ANO3: variants seen among roughly 807,000 people sequenced by gnomAD.
ANO3 encodes the protein anoctamin-3.
A neutral mutation model predicts 144.8 loss-of-function variants in ANO3; 99 were observed. The ratio of observed to expected loss-of-function variants is 0.68; its 90% confidence interval spans 0.58 to 0.81. The LOEUF is 0.81. Ranked by LOEUF, ANO3 falls within the 30% of genes least tolerant of loss-of-function variation. The pLI is 0.00. For synonymous variants in ANO3, 414 were observed against 392.6 expected (o/e 1.05, Z -0.64); for missense variants, 905 against 1,202.2 (o/e 0.75, Z 3.66).
chr11:26,379,797 A>G (rs1210664551), intron 1 of ANO3, among the ~76,000 whole-genome samples: 1 of 152,088 alleles, frequency 6.6e-6, no homozygotes, highest in Admixed American at 6.6e-5. Context: ...TTTCAAAAAA[A>G]GAATGGTGAA....
At chr11:26,361,836 G>A (rs551864282) in intron 1 of ANO3, among the ~76,000 whole-genome samples, 1 of 152,078 alleles carries the variant, frequency 6.6e-6, no homozygotes, top group Admixed American at 6.5e-5. Flanking sequence ...TTCTGCCTCT[G>A]CCTGTGGGTG....
intron 23 of ANO3, among the ~76,000 whole-genome samples, chr11:26,644,362 C>A (rs7936525): frequency 0.6 from 90,588 of 151,988 alleles, 27,725 homozygotes; most frequent in East Asian, 0.69. Flanking sequence ...TTTAAAAATA[C>A]TACTTTAGCC....
intron 1 of ANO3, among the ~76,000 whole-genome samples, chr11:26,213,678 A>G (rs12791764): frequency 0.3 from 45,932 of 152,008 alleles, 7,682 homozygotes; most frequent in Non-Finnish European, 0.37. Flanking sequence ...GGAAGAACCA[A>G]TATCATGAAA....
chr11:26,307,000 CT>C (rs375847832), upstream of ANO3, among the ~76,000 whole-genome samples: 51 of 149,238 alleles, frequency 3.4e-4, 1 homozygote, highest in South Asian at 4.7e-3. Context: ...TAAACTATGA[CT>C]TTTTTTTTTA....
At chr11:26,230,299 C>A (rs1415256765) in intron 1 of ANO3, among the ~76,000 whole-genome samples, 2 of 152,044 alleles carry the variant, frequency 1.3e-5, no homozygotes, top group Admixed American at 6.6e-5. Flanking sequence ...GGTAAAGGAA[C>A]TTCAATGGAG....
chr11:26,213,966 G>T (rs897922086), intron 1 of ANO3, among the ~76,000 whole-genome samples: 3 of 151,906 alleles, frequency 2.0e-5, no homozygotes, highest in African/African-American at 7.2e-5. Context: ...AGTATTTATT[G>T]ATGTGATTTC....
At chr11:26,356,101 C>G (rs1855775756) in intron 1 of ANO3, among the ~76,000 whole-genome samples, 1 of 151,916 alleles carries the variant, frequency 6.6e-6, no homozygotes, top group South Asian at 2.1e-4. Flanking sequence ...ATGATATTCT[C>G]TCATTTTTCA....
chr11:26,564,716 CACACACACACACACACATATATAT>C (rs1565108578), intron 14 of ANO3, among the ~76,000 whole-genome samples: 8 of 74,338 alleles, frequency 1.1e-4, no homozygotes, highest in Non-Finnish European at 1.0e-4. Context: ...CACACACACA[CACACACACACACACACATATATAT>C]ATATATATAT....
intron 14 of ANO3, among the ~76,000 whole-genome samples, chr11:26,595,753 G>A (rs921651488): frequency 2.6e-5 from 4 of 152,104 alleles, no homozygotes; most frequent in Admixed American, 2.6e-4. Context: ...ATTTTCAGTG[G>A]TTAGTGTTAA....
intron 1 of ANO3, among the ~76,000 whole-genome samples, chr11:26,210,638 T>G (rs1046990165): frequency 6.6e-5 from 10 of 152,184 alleles, no homozygotes; most frequent in African/African-American, 2.4e-4. Flanking sequence ...TTGCATTTGT[T>G]TGTGTCCTCT....
At chr11:26,620,189 C>T (rs1852374852) in intron 17 of ANO3, among the ~76,000 whole-genome samples, 2 of 152,038 alleles carry the variant, frequency 1.3e-5, no homozygotes, top group South Asian at 2.1e-4. Flanking sequence ...GGAAATGTTC[C>T]TAAAAATATT....
chr11:26,561,200 T>C, intron 14 of ANO3: 1 of 1,611,136 alleles, frequency 6.2e-7, no homozygotes, highest in African/African-American at 1.3e-5. Context: ...CATCATAAGG[T>C]TCCGGTGCAT....
intron 13 of ANO3, among the ~76,000 whole-genome samples, chr11:26,556,556 T>C (rs924570590): frequency 1.3e-5 from 2 of 152,162 alleles, no homozygotes; most frequent in African/African-American, 4.8e-5. Context: ...TCCTGAAATT[T>C]AGAATCAATT....
At chr11:26,586,794 C>A (rs1429025945) in intron 14 of ANO3, among the ~76,000 whole-genome samples, 1 of 141,916 alleles carries the variant, frequency 7.0e-6, no homozygotes, top group African/African-American at 2.5e-5. Context: ...AGCCACCACG[C>A]CCGGCCTCTA....
intron 18 of ANO3, among the ~76,000 whole-genome samples, chr11:26,627,024 TG>T (rs1262816788): frequency 6.6e-6 from 1 of 152,162 alleles, no homozygotes; most frequent in African/African-American, 2.4e-5. Context: ...AGAGTGAGAA[TG>T]CCTGAGTTGA....
intron 4 of ANO3, among the ~76,000 whole-genome samples, chr11:26,484,701 A>C (rs1039503751): frequency 1.3e-5 from 2 of 152,180 alleles, no homozygotes; most frequent in African/African-American, 4.8e-5. Context: ...ATCCACTGAC[A>C]GCTTGCACCT....
intron 7 of ANO3, among the ~76,000 whole-genome samples, chr11:26,529,324 AGT>A (rs1284655368): frequency 0.091 from 4 of 44 alleles, 2 homozygotes; most frequent in African/African-American, 0.095. Flanking sequence ...AATATATAAT[AGT>A]ATATAATATA....
chr11:26,590,077 C>G (rs1224783801), intron 14 of ANO3, among the ~76,000 whole-genome samples: 1 of 152,168 alleles, frequency 6.6e-6, no homozygotes, highest in Non-Finnish European at 1.5e-5. Flanking sequence ...CCTTTACCCT[C>G]TAAGAGAATA....
chr11:26,378,361 CTATA>C (rs1463685222), intron 1 of ANO3, among the ~76,000 whole-genome samples: 11 of 146,870 alleles, frequency 7.5e-5, no homozygotes, highest in Admixed American at 1.4e-4. Context: ...CTATAAATAT[CTATA>C]TATTATCTAT....
Sources: gnomAD v4.1 joint callset for allele counts (sites outside exome capture counted in the v4.1 genomes callset) on GRCh38, gnomAD v4.1.1 for gene constraint, MANE v1.5 for transcripts, NCBI Gene and HGNC (gene_info 2026-07-23, HGNC 2026-07-21) for gene names.